Variants in FBLN7 observed in about 807,000 individuals in gnomAD.
The protein encoded by FBLN7 is fibulin-7.
In FBLN7, 31 loss-of-function variants were observed where a neutral mutation model predicts 44.0. The ratio of observed to expected loss-of-function variants is 0.70; its 90% CI spans 0.53 to 0.95. The LOEUF is 0.95. Ranked by LOEUF, FBLN7 falls within the 40% of genes least tolerant of loss-of-function variation. FBLN7 has a pLI of 0.00. For synonymous variants in FBLN7, 262 were observed against 253.4 expected, an observed-to-expected ratio of 1.03 and a Z score of -0.32; for missense variants, 573 against 618.5, an observed-to-expected ratio of 0.93 and a Z score of 0.78.
At chr2:112,148,839 G>A (rs764846698) in intron 1 of FBLN7, among the ~76,000 whole-genome samples, 3 of 152,208 alleles carry the variant, frequency 2.0e-5, no homozygotes, top group Non-Finnish European at 2.9e-5. Context: ...ACCCAGGCTT[G>A]GAACTGGAGC....
the FBLN7 span, chr2:112,236,558 A>G: frequency 4.5e-5 from 73 of 1,612,262 alleles, no homozygotes; most frequent in Non-Finnish European, 5.8e-5. Context: ...ATATATTCCA[A>G]TACCTCTTCC....
At chr2:112,142,746 TATC>T (rs889956065) in intron 1 of FBLN7, among the ~76,000 whole-genome samples, 9 of 146,550 alleles carry the variant, frequency 6.1e-5, no homozygotes, top group African/African-American at 1.3e-4. Context: ...GCAAGAGTAA[TATC>T]ATGAGCGTAT....
Position 112,180,647 on chromosome 2 carries a change from G to A in FBLN7, c.533-1092G>A, listed in dbSNP as rs184658943. Among the ~76,000 whole-genome samples, 8 of 152,308 alleles carry A rather than the reference G, an allele frequency of 5.3e-5. No individual in the cohort carries two copies. The East Asian group carries it at 5.8e-4, about 11-fold the overall frequency. On this transcript the variant is annotated intron_variant, in intron 4 of 7. Coordinates refer to ENST00000331203, the MANE Select transcript of FBLN7 (RefSeq NM_153214.3). ...GAAAATGCGGTACATGGGGCTGGGCGTGGTGGCTCACGCCTGTAATTCCAG... is the reference window on the plus strand; with the variant it reads ...GAAAATGCGGTACATGGGGCTGGGCATGGTGGCTCACGCCTGTAATTCCAG...
the FBLN7 span, among the ~76,000 whole-genome samples, chr2:112,219,091 G>A: frequency 6.6e-6 from 1 of 151,996 alleles, no homozygotes; most frequent in Non-Finnish European, 1.5e-5. Context: ...TCCAGAAATA[G>A]AAAAATCTGT....
intron 4 of FBLN7, among the ~76,000 whole-genome samples, 176 bp from the exon 5 acceptor site, chr2:112,181,563 C>G (rs1682992927): frequency 6.6e-6 from 1 of 152,182 alleles, no homozygotes; most frequent in Non-Finnish European, 1.5e-5. Context: ...CGCGTAGGCC[C>G]TGGACGGGTC....
At chr2:112,179,646 C>T (rs528744583) in intron 4 of FBLN7, among the ~76,000 whole-genome samples, 10 of 152,212 alleles carry the variant, frequency 6.6e-5, no homozygotes, top group East Asian at 3.9e-4. Flanking sequence ...AAAACAGGCA[C>T]GTAGACCAAT....
At chr2:112,224,424 T>G in the FBLN7 span, among the ~76,000 whole-genome samples, 2 of 152,196 alleles carry the variant, frequency 1.3e-5, no homozygotes, top group Non-Finnish European at 2.9e-5. Flanking sequence ...TGACAGAGTT[T>G]CTACCAGAAA....
chr2:112,175,564 T>C, intron 3 of FBLN7, 150 bp from the exon 4 acceptor site: 1 of 962,160 alleles, frequency 1.0e-6, no homozygotes, highest in Non-Finnish European at 1.5e-6. Context: ...CTCTTGCGGG[T>C]GGAGAGGGTG....
chr2:112,237,418 G>T, the FBLN7 span, among the ~76,000 whole-genome samples: 2 of 152,044 alleles, frequency 1.3e-5, no homozygotes, highest in South Asian at 4.1e-4. Context: ...ATTTTAAATA[G>T]ATCAAGTTTT....
the FBLN7 span, chr2:112,230,848 A>G: frequency 4.2e-6 from 5 of 1,188,472 alleles, no homozygotes; most frequent in Non-Finnish European, 5.5e-6. Context: ...TTGCATGCCA[A>G]CTTCTGGAGA....
At chr2:112,207,534 C>T in the FBLN7 span, among the ~76,000 whole-genome samples, 1 of 151,496 alleles carries the variant, frequency 6.6e-6, no homozygotes, top group South Asian at 2.1e-4. Flanking sequence ...TTCAATTAGA[C>T]CAAGTTAACT....
At chr2:112,186,676 G>C (rs575913967) in intron 7 of FBLN7, among the ~76,000 whole-genome samples, 29 of 152,112 alleles carry the variant, frequency 1.9e-4, no homozygotes, top group Non-Finnish European at 2.4e-4. Context: ...CTGTGTTTAG[G>C]AAGTTCACCG....
intron 4 of FBLN7, among the ~76,000 whole-genome samples, chr2:112,178,685 A>C (rs114148578): frequency 0.023 from 3,550 of 152,338 alleles, 132 homozygotes; most frequent in African/African-American, 0.077. Context: ...CCGGGATACA[A>C]GGTTGATTCA....
the FBLN7 span, among the ~76,000 whole-genome samples, chr2:112,206,739 T>G: frequency 2.7e-5 from 4 of 150,694 alleles, no homozygotes; most frequent in South Asian, 2.1e-4. Flanking sequence ...GACTGTTTTT[T>G]TTTTTTTTTT....
At position 112,147,992 on chromosome 2, in the gene FBLN7, G is replaced by A. The variant is rs578152825; in HGVS notation, c.75+9262G>A. Among the ~76,000 whole-genome samples the A allele has an allele frequency of 1.3e-3, 203 of 152,128 alleles. 3 individuals are homozygous for A. Among genetic ancestry groups the A allele is most frequent in the African/African-American group, 4.8e-3 (198 of 41,506 alleles). On this transcript the variant is annotated intron_variant, in intron 1 of 7. Transcript: ENST00000331203. ...AGGAAAGCTGACCCGCGCTCTCTCC[G>A]ACTCACTGCCCGCCAGCTCTCCTCC...
the FBLN7 span, among the ~76,000 whole-genome samples, chr2:112,206,735 T>TTTTTTTTTTG: frequency 1.4e-5 from 2 of 145,186 alleles, no homozygotes; most frequent in South Asian, 4.4e-4. Flanking sequence ...TATTGACTGT[T>TTTTTTTTTTG]TTTTTTTTTT....
intron 1 of FBLN7, among the ~76,000 whole-genome samples, chr2:112,141,329 C>G (rs538058049): frequency 1.3e-5 from 2 of 152,350 alleles, no homozygotes; most frequent in East Asian, 3.9e-4. Context: ...TCTTGTTGGG[C>G]TCCAAGATTT....
At chr2:112,153,540 G>T (rs148348352) in intron 1 of FBLN7, among the ~76,000 whole-genome samples, 1 of 152,272 alleles carries the variant, frequency 6.6e-6, no homozygotes, top group Admixed American at 6.5e-5. Context: ...CCATGTTTCC[G>T]TACATACTCC....
At chr2:112,156,024 G>C (rs1430793962) in intron 1 of FBLN7, among the ~76,000 whole-genome samples, 1 of 152,244 alleles carries the variant, frequency 6.6e-6, no homozygotes, top group Non-Finnish European at 1.5e-5. Flanking sequence ...TCAGGGCCTG[G>C]CCAGCTCGTA....
Sources: allele counts gnomAD v4.1 joint callset (sites outside exome capture counted in the v4.1 genomes callset), GRCh38; gene constraint gnomAD v4.1.1; transcripts MANE v1.5; gene names NCBI Gene and HGNC (gene_info 2026-07-23, HGNC 2026-07-21).